ST8SIA1: variants seen among roughly 807,000 people sequenced by gnomAD.
ST8SIA1 encodes alpha-N-acetylneuraminide alpha-2,8-sialyltransferase.
ST8SIA1 carries 16 observed loss-of-function variants against 35.9 expected under a neutral mutation model. The ratio of observed to expected loss-of-function variants is 0.45; its 90% CI spans 0.30 to 0.68. ST8SIA1 has a LOEUF of 0.68. Ranked by LOEUF, ST8SIA1 falls within the 30% of genes least tolerant of loss-of-function variation. The pLI, the probability that ST8SIA1 is intolerant of heterozygous loss-of-function variation, is 0.09. For synonymous variants in ST8SIA1, 170 were observed against 169.6 expected, an observed-to-expected ratio of 1.00 and a Z score of -0.02; for missense variants, 383 against 453.6, an observed-to-expected ratio of 0.84 and a Z score of 1.41.
chr12:22,234,035 G>A lies in ST8SIA1; in HGVS notation c.584+14971C>T, dbSNP rs112334426. Reference sequence around the variant, plus strand: ...AACACTTTGAGAGGCCAAGGTGGGCGGATCACTTCAGGTCAGGAGTTCGAC... The same window carrying A: ...AACACTTTGAGAGGCCAAGGTGGGCAGATCACTTCAGGTCAGGAGTTCGAC... On this transcript the variant is annotated intron_variant, in intron 4 of 4. Transcript: ENST00000396037. Among the ~76,000 whole-genome samples, 343 of 152,108 alleles carry A rather than the reference G, an allele frequency of 2.3e-3. 1 individual carries two copies. Among genetic ancestry groups the A allele is most frequent in the African/African-American group, 7.3e-3 (302 of 41,470 alleles).
At chr12:22,207,711 T>C (rs1329063071) in intron 4 of ST8SIA1, among the ~76,000 whole-genome samples, 2 of 152,132 alleles carry the variant, frequency 1.3e-5, no homozygotes, top group East Asian at 3.9e-4. Flanking sequence ...ATAATAATAG[T>C]CAAGAAACTT....
At chr12:22,222,481 GTTA>G (rs1332676421) in intron 4 of ST8SIA1, among the ~76,000 whole-genome samples, 2 of 152,010 alleles carry the variant, frequency 1.3e-5, no homozygotes, top group South Asian at 4.2e-4. Context: ...CATTGAAGAA[GTTA>G]TTATTTTTAT....
At chr12:22,213,854 T>G (rs1364250088) in intron 4 of ST8SIA1, among the ~76,000 whole-genome samples, 1 of 152,046 alleles carries the variant, frequency 6.6e-6, no homozygotes, top group Non-Finnish European at 1.5e-5. Context: ...GGGCTGATCT[T>G]TAGCTGGGAA....
At chr12:22,299,671 T>C (rs2135824075) in intron 1 of ST8SIA1, among the ~76,000 whole-genome samples, 1 of 152,296 alleles carries the variant, frequency 6.6e-6, no homozygotes, top group East Asian at 1.9e-4. Context: ...ACTAAAAAAT[T>C]GATTAGAACA....
At position 22,201,722 on chromosome 12, in the gene ST8SIA1, T is replaced by G; in HGVS notation, c.901A>C (p.Asn301His). Residue 301 changes from asparagine to histidine, a missense_variant, in exon 5 of 5, where the codon AAT becomes CAT. Transcript: ENST00000396037. ...AIYGFWPFSV[N>H]MHEQPISHHY... Reference sequence around the variant, plus strand: ...TGGCTGATGGGCTGCTCATGCATATTCACAGAGAAGGGCCAGAAGCCATAG... The same window carrying G: ...TGGCTGATGGGCTGCTCATGCATATGCACAGAGAAGGGCCAGAAGCCATAG... The G allele has an allele frequency of 1.2e-6, 2 of 1,614,064 alleles. No homozygotes were observed. Among genetic ancestry groups the G allele is most frequent in the Non-Finnish European group, 1.7e-6 (2 of 1,179,970 alleles).
chr12:22,308,572 T>C, intron 1 of ST8SIA1, among the ~76,000 whole-genome samples: 1 of 152,172 alleles, frequency 6.6e-6, no homozygotes, highest in East Asian at 1.9e-4. Context: ...TATGATAAAA[T>C]CTCTCTGATT....
intron 1 of ST8SIA1, among the ~76,000 whole-genome samples, chr12:22,302,986 G>C (rs1866336630): frequency 6.6e-6 from 1 of 152,082 alleles, no homozygotes; most frequent in Non-Finnish European, 1.5e-5. Flanking sequence ...ATAAAACCAA[G>C]CTGTGCCCCA....
chr12:22,309,231 T>C (rs1866420502), intron 1 of ST8SIA1, among the ~76,000 whole-genome samples: 2 of 152,166 alleles, frequency 1.3e-5, no homozygotes, highest in Admixed American at 1.3e-4. Context: ...CCTCCCTCGC[T>C]AACTACCATT....
chr12:22,211,149 G>T (rs1247365690), intron 4 of ST8SIA1, among the ~76,000 whole-genome samples: 2 of 152,170 alleles, frequency 1.3e-5, no homozygotes, highest in East Asian at 3.9e-4. Flanking sequence ...GATACAGAGG[G>T]AGAGATGCAT....
At position 22,334,332 on chromosome 12, in the gene ST8SIA1, C is replaced by T; in HGVS notation, c.-100G>A. ...CCACCGCCAGCCCCCCATGCACACA[C>T]ACCTTTGGTTCTCTTACTTGCAAAC... On this transcript the variant is annotated 5_prime_UTR_variant, in exon 1 of 5. In the 5' UTR this introduces an upstream ATG that the reference lacks. Transcript: ENST00000396037. 1.1e-6 allele frequency: 1 copy of T among 879,292 alleles called. No homozygotes were observed. Among genetic ancestry groups the T allele is most frequent in the Non-Finnish European group, 1.7e-6 (1 of 573,756 alleles). The allele number at this position is 879,292 out of a possible 1,614,324, so 54.5% of individuals were successfully genotyped here. A position where few individuals can be genotyped will look rare whatever the true frequency, so the allele number is the denominator to read the frequency against.
intron 2 of ST8SIA1, among the ~76,000 whole-genome samples, chr12:22,276,915 T>C (rs778297443): frequency 5.9e-5 from 9 of 152,130 alleles, no homozygotes; most frequent in Non-Finnish European, 1.0e-4. Flanking sequence ...GCAAGACTTG[T>C]ACCTGAGTCA....
rs1261501968 is a variant in ST8SIA1, at chr12:22,287,279, T to C, written c.251A>G (p.Asp84Gly). ...AAAGAGATGGGCAGGGTCGCAGCAG[T>C]CTTCCATTTGTTTCCTAGGAGAGAA... The part of the protein sequence containing the change: ...AARAFRKQME[D>G]CCDPAHLFAM... The change falls in exon 2 of 5, where the codon GAC becomes GGC. Residue 84 changes from aspartate (D) to glycine (G), a missense_variant. By Grantham distance (94) the Asp-to-Gly change is moderately conservative. Transcript: ENST00000396037. 1 of 1,612,554 alleles carries C rather than the reference T, an allele frequency of 6.2e-7. No homozygotes were observed. Among genetic ancestry groups the C allele is most frequent in the Admixed American group, 1.7e-5 (1 of 59,554 alleles).
At chr12:22,296,980 G>T (rs12314813) in intron 1 of ST8SIA1, among the ~76,000 whole-genome samples, 1 of 152,138 alleles carries the variant, frequency 6.6e-6, no homozygotes, top group Non-Finnish European at 1.5e-5. Flanking sequence ...TCGAATATAC[G>T]TGTTTACACA....
intron 2 of ST8SIA1, among the ~76,000 whole-genome samples, chr12:22,267,926 T>C (rs1025698740): frequency 3.3e-5 from 5 of 152,160 alleles, no homozygotes; most frequent in Admixed American, 1.3e-4. Flanking sequence ...TCTTCCAGGA[T>C]TGGCATGCAC....
At chr12:22,298,680 T>C (rs970189489) in intron 1 of ST8SIA1, among the ~76,000 whole-genome samples, 1 of 152,240 alleles carries the variant, frequency 6.6e-6, no homozygotes, top group African/African-American at 2.4e-5. Context: ...AGCTATTTTC[T>C]ACTTCCAGTG....
chr12:22,205,513 T>G (rs2120618046), intron 4 of ST8SIA1, among the ~76,000 whole-genome samples: 2 of 152,236 alleles, frequency 1.3e-5, no homozygotes, highest in East Asian at 3.9e-4. Context: ...ATTTTTTAAA[T>G]TACTTAATAA....
At chr12:22,214,693 C>T (rs1056312902) in intron 4 of ST8SIA1, among the ~76,000 whole-genome samples, 1 of 151,980 alleles carries the variant, frequency 6.6e-6, no homozygotes, top group Non-Finnish European at 1.5e-5. Flanking sequence ...TAGATAGGGC[C>T]TCTTGTTTAT....
At chr12:22,217,536 G>C (rs994046768) in intron 4 of ST8SIA1, among the ~76,000 whole-genome samples, 1 of 152,026 alleles carries the variant, frequency 6.6e-6, no homozygotes, top group Non-Finnish European at 1.5e-5. Flanking sequence ...TGTATGTCCC[G>C]CCTTTTCCAC....
rs1056858744 is a variant in ST8SIA1, at chr12:22,201,099, T to TA, written c.*452dup. On this transcript the variant is annotated 3_prime_UTR_variant, in exon 5 of 5. Transcript: ENST00000396037. ...AGGGCAAAAATAAATAATAATTTTT[T>TA]AAAAAAACCTACGGTTCTAAAGCCA... 18 of 152,446 alleles carry TA rather than the reference T, an allele frequency of 1.2e-4. No homozygotes were observed. The highest frequency in any genetic ancestry group is 6.2e-4 in the South Asian group (3 of 4,832). 9.4% of individuals were successfully genotyped at this position (152,446 alleles called of 1,614,324 possible). A position where few individuals can be genotyped will look rare whatever the true frequency, so the allele number is the denominator to read the frequency against.
Sources: allele counts gnomAD v4.1 joint callset (sites outside exome capture counted in the v4.1 genomes callset), GRCh38; gene constraint gnomAD v4.1.1; transcripts MANE v1.5; gene names NCBI Gene and HGNC (gene_info 2026-07-23, HGNC 2026-07-21).